CLTA: variants seen among roughly 807,000 people sequenced by gnomAD.
CLTA encodes the protein clathrin light chain A.
A neutral mutation model predicts 26.9 loss-of-function variants in CLTA; 9 were observed. The ratio of observed to expected loss-of-function variants is 0.33; its 90% CI spans 0.20 to 0.58. The LOEUF (loss-of-function observed/expected upper bound fraction) is 0.58. CLTA is among the 20% of genes least tolerant of loss of function. CLTA has a pLI of 0.85. For missense variants in CLTA, 278 were observed against 294.2 expected (o/e 0.94, Z 0.40); for synonymous variants, 120 against 115.5 (o/e 1.04, Z -0.25).
rs1828079619 is a variant in CLTA, at chr9:36,212,034, A to G, written c.*260A>G. 2 of 610,052 alleles carry G rather than the reference A, an allele frequency of 3.3e-6. No individual in the cohort carries two copies. Among genetic ancestry groups the G allele is most frequent in the African/African-American group, 3.7e-5 (2 of 54,516 alleles). The allele number at this position is 610,052 out of a possible 1,614,324, so 37.8% of individuals were successfully genotyped here. On this transcript the variant is annotated 3_prime_UTR_variant, in exon 5 of 5. Transcript: ENST00000345519. ...ACCTGTGCTTCTGTGCATTATTCTG[A>G]GAATAAATTTCTGTTTCAAACTGTA...
At chr9:36,191,590 T>C (rs1438531147) in intron 1 of CLTA, among the ~76,000 whole-genome samples, 1 of 152,204 alleles carries the variant, frequency 6.6e-6, no homozygotes, top group East Asian at 1.9e-4. Context: ...TAGTCCGGTC[T>C]CTGAAGCAAC....
Position 36,191,089 on chromosome 9 carries a change from C to T in CLTA, c.33C>T (p.Ala11=). The change falls in exon 1 of 5, where the codon GCC becomes GCT. Residue 11 remains alanine, a synonymous_variant. Coordinates refer to ENST00000345519, the MANE Select transcript of CLTA (RefSeq NM_001833.4). ...AGCTGGATCCGTTCGGCGCCCCTGC[C>T]GGCGCCCCTGGCGGTCCCGCGCTGG... is the stretch of plus-strand genomic sequence containing the variant. MAELDPFGAP[A]GAPGGPALGN... 2 of 1,587,592 alleles carry T rather than the reference C, an allele frequency of 1.3e-6. No individual in the cohort carries two copies. The highest frequency in any genetic ancestry group is 1.4e-5 in the African/African-American group (1 of 73,278).
At chr9:36,207,158 G>T (rs759554726) in intron 4 of CLTA, among the ~76,000 whole-genome samples, 9 of 152,178 alleles carry the variant, frequency 5.9e-5, no homozygotes, top group Non-Finnish European at 1.0e-4. Context: ...CTGGGGGTGG[G>T]TGTGCTGTAC....
At chr9:36,194,571 C>T (rs998190087) in intron 1 of CLTA, among the ~76,000 whole-genome samples, 1 of 152,182 alleles carries the variant, frequency 6.6e-6, no homozygotes, top group African/African-American at 2.4e-5. Flanking sequence ...TGAGCAGTGT[C>T]ACTAAGGTAG....
chr9:36,196,902 T>G (rs1827080150), intron 1 of CLTA, among the ~76,000 whole-genome samples: 1 of 152,118 alleles, frequency 6.6e-6, no homozygotes, highest in East Asian at 1.9e-4. Flanking sequence ...AGGCCAGGCA[T>G]GGTGGCTCAT....
At chr9:36,197,729 T>C (rs1587213243) in intron 2 of CLTA, 141 bp downstream of exon 2, 1 of 645,116 alleles carries the variant, frequency 1.6e-6, no homozygotes, top group East Asian at 2.7e-5. Context: ...TCTACCAAAG[T>C]GGAAAGATTT....
At chr9:36,208,917 G>C (rs1159191342) in intron 4 of CLTA, among the ~76,000 whole-genome samples, 1 of 152,216 alleles carries the variant, frequency 6.6e-6, no homozygotes, top group East Asian at 1.9e-4. Context: ...AGAACAGTCA[G>C]GGTCATAGGT....
chr9:36,205,776 T>C, intron 4 of CLTA, among the ~76,000 whole-genome samples: 1 of 119,104 alleles, frequency 8.4e-6, no homozygotes, highest in East Asian at 2.4e-4. Flanking sequence ...TTTTTTTTTT[T>C]TGAGATGGAG....
chr9:36,193,535 GTTATA>G (rs2132853011), intron 1 of CLTA, among the ~76,000 whole-genome samples: 1 of 149,750 alleles, frequency 6.7e-6, no homozygotes, highest in South Asian at 2.2e-4. Flanking sequence ...AGTGCTTACA[GTTATA>G]TTAAGTATCT....
At position 36,200,078 on chromosome 9, in the gene CLTA, G is replaced by A. The variant is rs531007323; in HGVS notation, c.373+982G>A. Among the ~76,000 whole-genome samples the A allele has an allele frequency of 3.9e-5, 6 of 152,310 alleles. No homozygotes were observed. In the South Asian group the frequency reaches 8.3e-4, roughly 21 times the overall value. On this transcript the variant is annotated intron_variant, in intron 3 of 4. Transcript: ENST00000345519. Reference sequence around the variant, plus strand: ...GCCTTTGATAAAGAGATGTGTACGTGGAGTGTCACCTGTTGGTTCATGATC... The same window carrying A: ...GCCTTTGATAAAGAGATGTGTACGTAGAGTGTCACCTGTTGGTTCATGATC...
rs779820724 is a variant in CLTA, at chr9:36,199,873, A to G, written c.373+777A>G. Among the ~76,000 whole-genome samples, 4 of 152,344 alleles carry G rather than the reference A, an allele frequency of 2.6e-5. No homozygotes were observed. The South Asian group carries it at 8.3e-4, about 32-fold the overall frequency. ...ATATCTCTGTAAGGTAAGTTTTACA[A>G]TTTTACAGGTAAGAAAAGTGGAGGA... On this transcript the variant is annotated intron_variant, in intron 3 of 4. Coordinates refer to ENST00000345519, the MANE Select transcript of CLTA (RefSeq NM_001833.4).
chr9:36,198,874 C>T (rs970862659), intron 2 of CLTA, 105 bp from the exon 3 acceptor site: 2 of 450,170 alleles, frequency 4.4e-6, no homozygotes, highest in Non-Finnish European at 7.7e-6. Context: ...AACTCTGTCT[C>T]AAAAAAAAAA....
intron 4 of CLTA, 73 bp from the exon 5 acceptor site, chr9:36,211,530 G>A: frequency 6.6e-7 from 1 of 1,522,582 alleles, no homozygotes; most frequent in Non-Finnish European, 8.9e-7. Flanking sequence ...GCAGTTGCTT[G>A]TGTAGCAAGG....
chr9:36,208,654 G>T (rs530883297), intron 4 of CLTA, among the ~76,000 whole-genome samples: 7 of 152,336 alleles, frequency 4.6e-5, no homozygotes, highest in African/African-American at 1.7e-4. Context: ...GATAATCCAA[G>T]ATAAAACTGG....
chr9:36,209,849 G>T (rs1401043351), intron 4 of CLTA, among the ~76,000 whole-genome samples: 1 of 152,202 alleles, frequency 6.6e-6, no homozygotes, highest in African/African-American at 2.4e-5. Flanking sequence ...TCAGGCAGAA[G>T]AGTCCAGAGC....
At chr9:36,197,111 G>A (rs1408611910) in intron 1 of CLTA, among the ~76,000 whole-genome samples, 1 of 152,216 alleles carries the variant, frequency 6.6e-6, no homozygotes, top group Non-Finnish European at 1.5e-5. Flanking sequence ...AAAGGTCGAG[G>A]CTACAGTAAG....
intron 3 of CLTA, among the ~76,000 whole-genome samples, chr9:36,200,502 T>C (rs2132894844): frequency 6.6e-6 from 1 of 152,350 alleles, no homozygotes; most frequent in South Asian, 2.1e-4. Flanking sequence ...AGTGAAAACA[T>C]GAGTCCTTAT....
intron 3 of CLTA, among the ~76,000 whole-genome samples, chr9:36,201,916 A>G (rs1827436872): frequency 6.6e-6 from 1 of 151,718 alleles, no homozygotes; most frequent in Admixed American, 6.6e-5. Context: ...GTTCAAGACC[A>G]GCCTGGGCAC....
intron 1 of CLTA, among the ~76,000 whole-genome samples, chr9:36,195,014 A>G (rs889705019): frequency 6.6e-6 from 1 of 152,220 alleles, no homozygotes; most frequent in Non-Finnish European, 1.5e-5. Context: ...AGTCTCTCAT[A>G]TTCCAGCCCA....
Sources: allele counts gnomAD v4.1 joint callset (sites outside exome capture counted in the v4.1 genomes callset), GRCh38; gene constraint gnomAD v4.1.1; transcripts MANE v1.5; gene names NCBI Gene and HGNC (gene_info 2026-07-23, HGNC 2026-07-21).